The following NDUFA10 variants were observed in gnomAD, a reference collection of about 807,000 sequenced individuals.
NDUFA10 encodes NADH:ubiquinone oxidoreductase subunit A10.
NDUFA10 carries 40 observed loss-of-function variants against 47.8 expected under a neutral mutation model. That is an observed-to-expected ratio of 0.84 (90% CI 0.65 to 1.09). The LOEUF (loss-of-function observed/expected upper bound fraction) is 1.09, where lower values mean the gene tolerates loss of function less well. Among genes scored for constraint, NDUFA10 ranks in the 50% least tolerant of loss-of-function variants. NDUFA10 has a pLI of 0.00. For missense variants in NDUFA10, 413 were observed against 451.1 expected, an observed-to-expected ratio of 0.92 and a Z score of 0.76; for synonymous variants, 183 against 172.2, an observed-to-expected ratio of 1.06 and a Z score of -0.49.
intron 9 of NDUFA10, among the ~76,000 whole-genome samples, chr2:239,978,664 G>A (rs79986857): frequency 0.015 from 2,321 of 152,294 alleles, 50 homozygotes; most frequent in African/African-American, 0.053. Flanking sequence ...CAGCAGCGAC[G>A]CCAGTTGTAC....
chr2:239,980,935 C>T (rs1430126204), intron 9 of NDUFA10, among the ~76,000 whole-genome samples: 1 of 152,190 alleles, frequency 6.6e-6, no homozygotes, highest in Admixed American at 6.5e-5. Context: ...AAACCATTCT[C>T]CACTGGGAAT....
At position 240,014,880 on chromosome 2, in the gene NDUFA10, G is replaced by C; in HGVS notation, c.548-20C>G. ...CCACACCTGGCACATAGGAGAAAGGGGCGCTGTCACCTACCAGTCCCCACA... is the reference window on the plus strand; with the variant it reads ...CCACACCTGGCACATAGGAGAAAGGCGCGCTGTCACCTACCAGTCCCCACA... On this transcript the variant is annotated intron_variant, in intron 4 of 9. Transcript: ENST00000252711. The C allele has an allele frequency of 6.2e-7, 1 of 1,614,054 alleles. No individual in the cohort carries two copies. Among genetic ancestry groups the C allele is most frequent in the Non-Finnish European group, 8.5e-7 (1 of 1,179,972 alleles).
At chr2:240,017,437 T>C (rs774829507) in intron 4 of NDUFA10, among the ~76,000 whole-genome samples, 2 of 151,972 alleles carry the variant, frequency 1.3e-5, no homozygotes, top group Non-Finnish European at 2.9e-5. Flanking sequence ...CACTATCCCA[T>C]CTCCCAGCCG....
intron 1 of NDUFA10, 23 bp downstream of exon 1, chr2:240,025,190 GCCACCCCGCCACCC>G (rs777818603): frequency 1.8e-4 from 65 of 354,396 alleles, no homozygotes; most frequent in Non-Finnish European, 2.5e-4. Flanking sequence ...CCGCCACCCT[GCCACCCCGCCACCC>G]TGCCACCCCG....
chr2:240,018,374 G>C, intron 4 of NDUFA10, 179 bp downstream of exon 4: 1 of 1,523,044 alleles, frequency 6.6e-7, no homozygotes, highest in African/African-American at 1.4e-5. Context: ...TATTTCAGGA[G>C]GGAGAAAGGG....
intron 4 of NDUFA10, among the ~76,000 whole-genome samples, chr2:239,938,345 C>G (rs1694302671): frequency 1.3e-5 from 2 of 152,232 alleles, no homozygotes; most frequent in African/African-American, 2.4e-5. Flanking sequence ...CTGCACAGGC[C>G]CCCCTGAGGA....
chr2:239,998,875 T>A (rs1696591157), intron 8 of NDUFA10, among the ~76,000 whole-genome samples: 1 of 152,234 alleles, frequency 6.6e-6, no homozygotes, highest in Non-Finnish European at 1.5e-5. Flanking sequence ...TTTTTTGTAT[T>A]GATCTGTCTG....
At chr2:239,998,027 T>A (rs1395228011) in intron 8 of NDUFA10, among the ~76,000 whole-genome samples, 1 of 152,194 alleles carries the variant, frequency 6.6e-6, no homozygotes, top group Admixed American at 6.5e-5. Flanking sequence ...AATACAAAAA[T>A]ACACACAAGA....
chr2:239,929,952 C>A (rs1694134788), intron 4 of NDUFA10, among the ~76,000 whole-genome samples: 1 of 145,172 alleles, frequency 6.9e-6, no homozygotes, highest in South Asian at 2.2e-4. Context: ...TGCTCCTCCG[C>A]TGCCCCTGCT....
chr2:239,895,279 T>A (rs777225983), exon 5 of NDUFA10: 25 of 469,434 alleles, frequency 5.3e-5, no homozygotes, highest in Middle Eastern at 3.2e-4. Flanking sequence ...GAGAACTGAG[T>A]AGGCTGACCC....
chr2:239,995,179 C>T (rs1356328483), intron 8 of NDUFA10, among the ~76,000 whole-genome samples: 2 of 151,900 alleles, frequency 1.3e-5, no homozygotes, highest in Non-Finnish European at 2.9e-5. Context: ...GAGGCTGATA[C>T]ATAAGAACTG....
Position 239,967,977 on chromosome 2 carries a change from T to TACACACACACACACACAC in NDUFA10, c.1000-6792_1000-6791insGTGTGTGTGTGTGTGTGT, listed in dbSNP as rs1380084722. On this transcript the variant is annotated intron_variant, in intron 9 of 9. Transcript: ENST00000252711. ...CACAGAAATCAGTCAAGGAAAAAAATATACACACACACACACACACACACA... is the reference window on the plus strand; with the variant it reads ...CACAGAAATCAGTCAAGGAAAAAAATACACACACACACACACACATACACACACACACACACACACACA... Among the ~76,000 whole-genome samples the TACACACACACACACACAC allele has an allele frequency of 9.9e-3, 1,381 of 139,514 alleles. 32 individuals are homozygous for TACACACACACACACACAC. The highest frequency in any genetic ancestry group is 0.036 in the African/African-American group (1,282 of 35,978). 91.5% of individuals were successfully genotyped at this position (139,514 alleles called of 152,430 possible). A position where few individuals can be genotyped will look rare whatever the true frequency, so the allele number is the denominator to read the frequency against.
intron 8 of NDUFA10, among the ~76,000 whole-genome samples, chr2:239,994,899 C>T (rs1357840158): frequency 6.6e-6 from 1 of 152,168 alleles, no homozygotes; most frequent in Non-Finnish European, 1.5e-5. Context: ...TAATTTCCAT[C>T]CTTCCAATAA....
At chr2:239,900,365 C>CATATATATATATATA (rs1693521888) in intron 4 of NDUFA10, among the ~76,000 whole-genome samples, 1 of 124,270 alleles carries the variant, frequency 8.0e-6, no homozygotes, top group Admixed American at 8.2e-5. Context: ...TATATTTATC[C>CATATATATATATATA]TATTAGTTCT....
At chr2:239,973,945 T>C (rs1695405211) in intron 9 of NDUFA10, among the ~76,000 whole-genome samples, 1 of 152,234 alleles carries the variant, frequency 6.6e-6, no homozygotes, top group Non-Finnish European at 1.5e-5. Context: ...TTTAGTTTTT[T>C]TGAGATGGAG....
intron 9 of NDUFA10, among the ~76,000 whole-genome samples, chr2:239,963,972 A>C (rs895355586): frequency 4.6e-5 from 7 of 152,182 alleles, no homozygotes; most frequent in African/African-American, 9.7e-5. Flanking sequence ...GGGTGGGAAA[A>C]GACCACACTA....
chr2:240,011,834 T>C (rs1697157417), intron 5 of NDUFA10, 138 bp from the exon 6 acceptor site: 1 of 760,392 alleles, frequency 1.3e-6, no homozygotes, highest in Admixed American at 2.0e-5. Flanking sequence ...GACTGCGGGG[T>C]GACAGCAAAG....
chr2:239,935,792 G>A (rs929832062), intron 4 of NDUFA10, among the ~76,000 whole-genome samples: 3 of 152,174 alleles, frequency 2.0e-5, no homozygotes, highest in African/African-American at 4.8e-5. Flanking sequence ...TTTGCCTGCC[G>A]CCATGTAAGA....
At chr2:239,923,928 G>A (rs1190797574) in intron 4 of NDUFA10, among the ~76,000 whole-genome samples, 1 of 152,032 alleles carries the variant, frequency 6.6e-6, no homozygotes, top group Non-Finnish European at 1.5e-5. Flanking sequence ...TATTACTACA[G>A]ACCCTGCAGC....
Sources: gnomAD v4.1 joint callset for allele counts (sites outside exome capture counted in the v4.1 genomes callset) on GRCh38, gnomAD v4.1.1 for gene constraint, MANE v1.5 for transcripts, NCBI Gene and HGNC (gene_info 2026-07-23, HGNC 2026-07-21) for gene names.